Variants in FAM83F observed in about 807,000 individuals in gnomAD.
The protein encoded by FAM83F is protein FAM83F.
Under a neutral mutation model 42.9 loss-of-function variants are expected in FAM83F, and 45 were observed. The observed-to-expected ratio is 1.05, with a 90% confidence interval of 0.83 to 1.35. The LOEUF (loss-of-function observed/expected upper bound fraction) is 1.35, where lower values mean the gene tolerates loss of function less well. Ranked by LOEUF, FAM83F falls within the 40% of genes most tolerant of loss-of-function variation. FAM83F has a pLI of 0.00. For synonymous variants in FAM83F, 306 were observed against 298.3 expected (o/e 1.03, Z -0.27); for missense variants, 617 against 695.9 (o/e 0.89, Z 1.28).
intron 1 of FAM83F, among the ~76,000 whole-genome samples, chr22:40,007,126 T>C (rs2067433516): frequency 6.6e-6 from 1 of 151,504 alleles, no homozygotes; most frequent in Admixed American, 6.6e-5. Flanking sequence ...GTTGGATCGA[T>C]GTGAATCTAG....
intron 1 of FAM83F, among the ~76,000 whole-genome samples, chr22:40,016,198 G>T (rs1204087534): frequency 1.3e-5 from 2 of 151,836 alleles, no homozygotes; most frequent in East Asian, 1.9e-4. Context: ...TGTTGTTGTT[G>T]TTTTTTTATT....
rs758329658 is a variant in FAM83F at position 40,005,649 on chromosome 22, A to G, written c.489+10118A>G. On this transcript the variant is annotated intron_variant, in intron 1 of 4. Transcript: ENST00000333407. ...CAACCTTGTCGAGAGTGATGGCCTC[A>G]CTGGATCAGCTCGACAGGGAGTGAG... 4.9e-4 allele frequency among the ~76,000 whole-genome samples: 75 copies of G among 152,306 alleles called. 1 individual carries two copies. Among genetic ancestry groups the G allele is most frequent in the Admixed American group, 1.6e-3 (25 of 15,300 alleles).
chr22:40,024,801 A>G (rs1390210394), intron 4 of FAM83F, among the ~76,000 whole-genome samples: 2 of 152,210 alleles, frequency 1.3e-5, no homozygotes, highest in African/African-American at 4.8e-5. Context: ...GACAGCCTGT[A>G]AAATTGCTTG....
Position 40,005,961 on chromosome 22 carries a change from C to T in FAM83F, c.489+10430C>T, listed in dbSNP as rs528036396. Among the ~76,000 whole-genome samples the T allele has an allele frequency of 6.8e-3, 1,031 of 152,272 alleles. 20 individuals are homozygous for T. The highest frequency in any genetic ancestry group is 0.022 in the African/African-American group (930 of 41,548). On this transcript the variant is annotated intron_variant, in intron 1 of 4. Transcript: ENST00000333407. ...GTGGGGAACAAGACCCTGTTGTAGC[C>T]GGGCGCGGTGGCTCACGCCTGTAAT...
intron 1 of FAM83F, among the ~76,000 whole-genome samples, chr22:40,008,009 C>T (rs1425497531): frequency 2.6e-5 from 4 of 152,194 alleles, no homozygotes; most frequent in African/African-American, 7.2e-5. Context: ...ACTCTGGCAG[C>T]GGTTTTCTTA....
chr22:40,002,122 G>A (rs996670764), intron 1 of FAM83F, among the ~76,000 whole-genome samples: 1 of 152,206 alleles, frequency 6.6e-6, no homozygotes, highest in African/African-American at 2.4e-5. Context: ...GAGGGATAAA[G>A]CAGGAAGGTG....
Position 40,029,774 on chromosome 22 carries a change from G to A in FAM83F, c.*209G>A. The A allele has an allele frequency of 1.5e-6, 1 of 665,000 alleles. No homozygotes were observed. The highest frequency in any genetic ancestry group is 1.8e-5 in the African/African-American group (1 of 54,834). The allele number at this position is 665,000 out of a possible 1,614,324, so 41.2% of individuals were successfully genotyped here. A position where few individuals can be genotyped will look rare whatever the true frequency, so the allele number is the denominator to read the frequency against. Reference sequence around the variant, plus strand: ...CACACGCCTCCACCGGACTGTCGGTGGCTGGGCAGGGGTCAGTGCCACGGC... The same window carrying A: ...CACACGCCTCCACCGGACTGTCGGTAGCTGGGCAGGGGTCAGTGCCACGGC... On this transcript the variant is annotated 3_prime_UTR_variant, in exon 5 of 5. Coordinates refer to ENST00000333407, the MANE Select transcript of FAM83F (RefSeq NM_138435.4).
chr22:40,015,044 G>C (rs141444381), intron 1 of FAM83F, among the ~76,000 whole-genome samples: 32 of 152,250 alleles, frequency 2.1e-4, no homozygotes, highest in African/African-American at 6.5e-4. Context: ...TATTAGTCAG[G>C]GTTCTCCAGA....
Position 40,039,745 on chromosome 22 carries a change from G to A in FAM83F, c.*10180G>A, listed in dbSNP as rs1437353211. ...GGTAGGGAAAAGAGCATGAACAGTT[G>A]TAGAGGTAGGAGGAAAGCTGGCTAT... On this transcript the variant is annotated 3_prime_UTR_variant, in exon 5 of 5. Coordinates refer to ENST00000333407, the MANE Select transcript of FAM83F (RefSeq NM_138435.4). 1 of 152,300 alleles carries A rather than the reference G, an allele frequency of 6.6e-6. No individual in the cohort carries two copies. The highest frequency in any genetic ancestry group is 1.5e-5 in the Non-Finnish European group (1 of 68,082). The allele number at this position is 152,300 out of a possible 1,614,324, so 9.4% of individuals were successfully genotyped here.
chr22:40,039,869 T>A lies in FAM83F; in HGVS notation c.*10304T>A, dbSNP rs940970838. ...TCTTGGATCTTGGCCACAAAAAGGT[T>A]ATAGATGAGCTTAGAGAAATGAATT... On this transcript the variant is annotated 3_prime_UTR_variant, in exon 5 of 5. Transcript: ENST00000333407. 6.6e-6 allele frequency: 1 copy of A among 152,216 alleles called. No individual in the cohort carries two copies. Among genetic ancestry groups the A allele is most frequent in the African/African-American group, 2.4e-5 (1 of 41,430 alleles). 9.4% of individuals were successfully genotyped at this position (152,216 alleles called of 1,614,324 possible).
intron 1 of FAM83F, among the ~76,000 whole-genome samples, chr22:40,009,181 G>A (rs895203668): frequency 1.3e-5 from 2 of 152,144 alleles, no homozygotes; most frequent in Non-Finnish European, 2.9e-5. Context: ...GGCCCCAGGC[G>A]CACATGGGTA....
Position 40,036,438 on chromosome 22 carries a change from A to G in FAM83F, c.*6873A>G, listed in dbSNP as rs1279530437. On this transcript the variant is annotated 3_prime_UTR_variant, in exon 5 of 5. Transcript: ENST00000333407. ...TCCCCTCATGCAGGTTCATCCTTAGAGGGCTGCGGTCTTATCTGGTTGTGC... is the reference window on the plus strand; with the variant it reads ...TCCCCTCATGCAGGTTCATCCTTAGGGGGCTGCGGTCTTATCTGGTTGTGC... The G allele has an allele frequency of 6.6e-6, 1 of 152,164 alleles. No individual in the cohort carries two copies. The highest frequency in any genetic ancestry group is 1.9e-4 in the East Asian group (1 of 5,192). 9.4% of individuals were successfully genotyped at this position (152,164 alleles called of 1,614,324 possible).
intron 4 of FAM83F, among the ~76,000 whole-genome samples, chr22:40,027,143 A>G (rs530950056): frequency 6.6e-6 from 1 of 152,064 alleles, no homozygotes; most frequent in Non-Finnish European, 1.5e-5. Context: ...TGACCCTTCT[A>G]TAAAGGGTGC....
intron 1 of FAM83F, among the ~76,000 whole-genome samples, chr22:40,017,171 C>T (rs1166708546): frequency 1.3e-5 from 2 of 151,464 alleles, no homozygotes; most frequent in East Asian, 1.9e-4. Flanking sequence ...GTGACACCCC[C>T]GTGACGGAGG....
rs78979244 is a variant in FAM83F at position 40,006,239 on chromosome 22, C to CA, written c.489+10723dup. On this transcript the variant is annotated intron_variant, in intron 1 of 4. Transcript: ENST00000333407. ...TGGGCAACAGAGTGAGATGCCATCTCAAAAAAAAAAAAAAAGATGCTATTG... is the reference window on the plus strand; with the variant it reads ...TGGGCAACAGAGTGAGATGCCATCTCAAAAAAAAAAAAAAAAGATGCTATTG... Among the ~76,000 whole-genome samples, 510 of 129,378 alleles carry CA rather than the reference C, an allele frequency of 3.9e-3. 1 individual carries two copies. Among genetic ancestry groups the CA allele is most frequent in the South Asian group, 0.012 (52 of 4,176 alleles). 84.9% of individuals were successfully genotyped at this position (129,378 alleles called of 152,430 possible).
chr22:40,018,808 C>G (rs556859254), intron 1 of FAM83F, among the ~76,000 whole-genome samples: 3 of 152,242 alleles, frequency 2.0e-5, no homozygotes, highest in East Asian at 1.9e-4. Context: ...AGGCTGGTCT[C>G]AAACTCCTGA....
chr22:40,016,294 A>T (rs536386809), intron 1 of FAM83F, among the ~76,000 whole-genome samples: 22 of 152,114 alleles, frequency 1.4e-4, no homozygotes, highest in Admixed American at 1.4e-3. Context: ...CCTCAACCTC[A>T]TAGGCTCAAG....
rs370572641 is a variant in FAM83F, at chr22:40,039,913, G to A, written c.*10348G>A. Reference sequence around the variant, plus strand: ...ATGAATTTCAGTAGAGTTAGGGCTAGAAGCCAGGTTCAGAGAGAGAAAACG... The same window carrying A: ...ATGAATTTCAGTAGAGTTAGGGCTAAAAGCCAGGTTCAGAGAGAGAAAACG... On this transcript the variant is annotated 3_prime_UTR_variant, in exon 5 of 5. Coordinates refer to ENST00000333407, the MANE Select transcript of FAM83F (RefSeq NM_138435.4). The A allele has an allele frequency of 3.9e-5, 6 of 152,274 alleles. No homozygotes were observed. The East Asian group carries it at 1.2e-3, about 29-fold the overall frequency. The allele number at this position is 152,274 out of a possible 1,614,324, so 9.4% of individuals were successfully genotyped here.
chr22:40,006,734 G>T (rs930007283), intron 1 of FAM83F, among the ~76,000 whole-genome samples: 9 of 152,228 alleles, frequency 5.9e-5, no homozygotes, highest in African/African-American at 2.2e-4. Flanking sequence ...CAAGCTGAGG[G>T]CCTTGGACTT....
Sources: allele counts gnomAD v4.1 joint callset (sites outside exome capture counted in the v4.1 genomes callset), GRCh38; gene constraint gnomAD v4.1.1; transcripts MANE v1.5; gene names NCBI Gene and HGNC (gene_info 2026-07-23, HGNC 2026-07-21).